Variants in CHRM3 observed in about 807,000 individuals in gnomAD.
CHRM3 encodes the protein cholinergic receptor muscarinic 3.
In CHRM3, 11 loss-of-function variants were observed where a neutral mutation model predicts 41.8. The observed-to-expected ratio is 0.26, with a 90% CI of 0.17 to 0.44. CHRM3 has a LOEUF of 0.44. Ranked by LOEUF, CHRM3 falls within the 20% of genes least tolerant of loss-of-function variation. The pLI is 1.00. For synonymous variants in CHRM3, 297 were observed against 301.4 expected, an observed-to-expected ratio of 0.99 and a Z score of 0.15; for missense variants, 571 against 745.4, an observed-to-expected ratio of 0.77 and a Z score of 2.72.
Position 239,909,209 on chromosome 1 carries a change from C to T in CHRM3, c.1758C>T (p.Pro586=), listed in dbSNP as rs200553848. ...CGGTCATTTTTCACAAGCGCGCACC[C>T]GAGCAGGCCTTGTAGAATGAGGTTG... ...RQSVIFHKRA[P]EQAL is the part of the protein sequence containing the mutation. The change falls in exon 7 of 7, where the codon CCC becomes CCT. Residue 586 remains proline, a synonymous_variant. Transcript: ENST00000676153. 1.8e-5 allele frequency: 29 copies of T among 1,607,312 alleles called. No individual in the cohort carries two copies. Among genetic ancestry groups the T allele is most frequent in the Admixed American group, 3.4e-5 (2 of 59,568 alleles).
chr1:239,846,832 C>T (rs900932409), intron 6 of CHRM3, among the ~76,000 whole-genome samples: 7 of 152,114 alleles, frequency 4.6e-5, no homozygotes, highest in Admixed American at 4.6e-4. Context: ...AGATAAGCGG[C>T]ATAGAGTAAT....
chr1:239,594,877 G>A (rs531020074), intron 3 of CHRM3, among the ~76,000 whole-genome samples: 42 of 152,156 alleles, frequency 2.8e-4, no homozygotes, highest in Non-Finnish European at 5.0e-4. Flanking sequence ...ATCACCTGAG[G>A]TCAGGAGTTT....
chr1:239,496,119 G>A (rs987221082), intron 2 of CHRM3, among the ~76,000 whole-genome samples: 7 of 152,000 alleles, frequency 4.6e-5, no homozygotes, highest in African/African-American at 9.7e-5. Context: ...ATTGGCTGAC[G>A]TCTCTCTATT....
intron 1 of CHRM3, among the ~76,000 whole-genome samples, chr1:239,447,327 G>C (rs898070561): frequency 1.3e-5 from 2 of 152,122 alleles, no homozygotes; most frequent in Non-Finnish European, 2.9e-5. Flanking sequence ...AACGGAGGAA[G>C]AGAGGATTAA....
chr1:239,603,223 A>G (rs529986804), intron 3 of CHRM3, among the ~76,000 whole-genome samples: 1 of 152,284 alleles, frequency 6.6e-6, no homozygotes, highest in East Asian at 1.9e-4. Context: ...TGTTTTTTGT[A>G]AGTATCATAT....
chr1:239,677,925 C>A (rs549128507), intron 4 of CHRM3, among the ~76,000 whole-genome samples: 72 of 152,280 alleles, frequency 4.7e-4, no homozygotes, highest in African/African-American at 1.6e-3. Context: ...TAAGCTGAGG[C>A]ATTTGTGTTG....
intron 5 of CHRM3, chr1:239,705,299 C>G (rs756294312): frequency 6.6e-6 from 1 of 152,188 alleles, no homozygotes; most frequent in Admixed American, 6.5e-5. Flanking sequence ...ATGCTCTCTT[C>G]TACTATAACT....
At chr1:239,437,519 A>G (rs1663365134) in intron 1 of CHRM3, among the ~76,000 whole-genome samples, 1 of 152,142 alleles carries the variant, frequency 6.6e-6, no homozygotes, top group South Asian at 2.1e-4. Flanking sequence ...GGTGACATGG[A>G]AAGCCTTTCT....
At chr1:239,663,798 C>T (rs1047201747) in intron 4 of CHRM3, among the ~76,000 whole-genome samples, 11 of 152,174 alleles carry the variant, frequency 7.2e-5, no homozygotes, top group African/African-American at 2.7e-4. Flanking sequence ...CTGGGCCTTA[C>T]CTCAGGCCTC....
At chr1:239,799,887 T>TGTA (rs1188410010) in intron 5 of CHRM3, among the ~76,000 whole-genome samples, 1 of 152,212 alleles carries the variant, frequency 6.6e-6, no homozygotes, top group Non-Finnish European at 1.5e-5. Context: ...AAGCTTAGAC[T>TGTA]GTAAACAGGT....
At chr1:239,689,941 T>A (rs555245411) in intron 5 of CHRM3, among the ~76,000 whole-genome samples, 1 of 151,544 alleles carries the variant, frequency 6.6e-6, no homozygotes, top group East Asian at 2.0e-4. Context: ...TGAGAGGAGG[T>A]AAGAACTCTA....
At chr1:239,466,665 T>C (rs1325522901) in intron 1 of CHRM3, among the ~76,000 whole-genome samples, 1 of 152,038 alleles carries the variant, frequency 6.6e-6, no homozygotes, top group East Asian at 1.9e-4. Flanking sequence ...AGTCTTGCTA[T>C]GTTGTCCAGG....
At chr1:239,534,506 C>T (rs1251108424) in intron 2 of CHRM3, among the ~76,000 whole-genome samples, 2 of 152,112 alleles carry the variant, frequency 1.3e-5, no homozygotes, top group African/African-American at 4.8e-5. Context: ...TGTACTGATG[C>T]CAAAGTTAGC....
chr1:239,802,805 C>T (rs1670322252), intron 5 of CHRM3, among the ~76,000 whole-genome samples: 1 of 152,176 alleles, frequency 6.6e-6, no homozygotes, highest in East Asian at 1.9e-4. Context: ...ACCATGTTAC[C>T]CAGGCTGGTC....
chr1:239,427,547 T>TC (rs2103141927), intron 1 of CHRM3, among the ~76,000 whole-genome samples: 1 of 151,922 alleles, frequency 6.6e-6, no homozygotes, highest in East Asian at 2.0e-4. Context: ...CTTATTTTCT[T>TC]CCCCCAGTTG....
chr1:239,714,463 T>C (rs934670839), intron 5 of CHRM3, among the ~76,000 whole-genome samples: 1 of 151,968 alleles, frequency 6.6e-6, no homozygotes, highest in Non-Finnish European at 1.5e-5. Flanking sequence ...ACCCGAAAGG[T>C]AAATCAGAGT....
chr1:239,669,629 T>A (rs1254475262), intron 4 of CHRM3, among the ~76,000 whole-genome samples: 1 of 152,072 alleles, frequency 6.6e-6, no homozygotes, highest in African/African-American at 2.4e-5. Flanking sequence ...GGGAAAAAAA[T>A]TCTAGAATGA....
intron 6 of CHRM3, among the ~76,000 whole-genome samples, chr1:239,855,247 A>G (rs1171797134): frequency 6.6e-6 from 1 of 152,170 alleles, no homozygotes; most frequent in Non-Finnish European, 1.5e-5. Flanking sequence ...GTCATCATGC[A>G]TTCCCAAAAG....
intron 6 of CHRM3, among the ~76,000 whole-genome samples, chr1:239,865,236 A>G (rs1675991777): frequency 6.6e-6 from 1 of 152,038 alleles, no homozygotes; most frequent in Non-Finnish European, 1.5e-5. Context: ...TGTATAGGAT[A>G]CTCCTGTTTG....
Sources: allele counts gnomAD v4.1 joint callset (sites outside exome capture counted in the v4.1 genomes callset), GRCh38; gene constraint gnomAD v4.1.1; transcripts MANE v1.5; gene names NCBI Gene and HGNC (gene_info 2026-07-23, HGNC 2026-07-21).